CCDC33: variants seen among roughly 807,000 people sequenced by gnomAD.
CCDC33 encodes coiled-coil domain containing 33.
A neutral mutation model predicts 91.9 loss-of-function variants in CCDC33; 94 were observed. The ratio of observed to expected loss-of-function variants is 1.02; its 90% CI spans 0.87 to 1.21. CCDC33 has a LOEUF of 1.21. Among genes scored for constraint, CCDC33 ranks in the 50% most tolerant of loss-of-function variants. The probability of loss-of-function intolerance (pLI) is 0.00; values close to 1 mark genes in which losing one functional copy is unlikely to be tolerated. For missense variants in CCDC33, 940 were observed against 935.5 expected, an observed-to-expected ratio of 1.00 and a Z score of -0.06; for synonymous variants, 396 against 374.5, an observed-to-expected ratio of 1.06 and a Z score of -0.66.
At chr15:74,217,445 G>A in exon 1 of CCDC33, 2 of 1,289,850 alleles carry the variant, frequency 1.6e-6, no homozygotes, top group South Asian at 2.5e-5. Flanking sequence ...TGGGCTCTGG[G>A]GCTGGGGTGC....
In CCDC33 at chr15:74,281,833, A is replaced by G. The variant is rs1596020538; in HGVS notation, c.1079A>G (p.Gln360Arg). 1 of 1,614,070 alleles carries G rather than the reference A, an allele frequency of 6.2e-7. No individual in the cohort carries two copies. Among genetic ancestry groups the G allele is most frequent in the South Asian group, 1.1e-5 (1 of 91,052 alleles). The change falls in exon 10 of 19, where the codon CAG becomes CGG. Residue 360 changes from glutamine (Q) to arginine (R), a missense_variant. Transcript: ENST00000398814. ...GCCCCCACAGTGGCTCTCTCCTTCCAGCTGCTTTCCTCTGAGGTAAGGCTG... is the reference window on the plus strand; with the variant it reads ...GCCCCCACAGTGGCTCTCTCCTTCCGGCTGCTTTCCTCTGAGGTAAGGCTG... Reference protein sequence around the residue: ...DEAPTVALSFQLLSSERPENF... With the variant: ...DEAPTVALSFRLLSSERPENF...
chr15:74,318,892 G>A (rs1037439551), intron 11 of CCDC33, among the ~76,000 whole-genome samples: 1 of 152,220 alleles, frequency 6.6e-6, no homozygotes, highest in African/African-American at 2.4e-5. Context: ...AATCCAGAGA[G>A]GGAGGACAGA....
chr15:74,278,178 C>T (rs2076498528), intron 7 of CCDC33, among the ~76,000 whole-genome samples: 1 of 152,250 alleles, frequency 6.6e-6, no homozygotes, highest in South Asian at 2.1e-4. Context: ...GACTGCAACC[C>T]ATCTCCCCAG....
At position 74,315,524 on chromosome 15, in the gene CCDC33, G is replaced by A. The variant is rs903426924; in HGVS notation, c.1291-14665G>A. Among the ~76,000 whole-genome samples the A allele has an allele frequency of 5.9e-5, 9 of 152,370 alleles. 1 individual carries two copies. In the South Asian group the frequency reaches 1.4e-3, roughly 25 times the overall value. ...AGGCTACTTCATCAGGTGACTGGTG[G>A]TGAAGTTAGGCCGATCTATTTAAGG... On this transcript the variant is annotated intron_variant, in intron 11 of 18. Transcript: ENST00000398814.
At chr15:74,306,535 A>T (rs2059897239) in intron 11 of CCDC33, among the ~76,000 whole-genome samples, 1 of 152,126 alleles carries the variant, frequency 6.6e-6, no homozygotes, top group African/African-American at 2.4e-5. Flanking sequence ...ATTACTAGTT[A>T]GTGTGTGTGT....
At chr15:74,270,742 C>T (rs74553228) in intron 5 of CCDC33, among the ~76,000 whole-genome samples, 269 of 152,132 alleles carry the variant, frequency 1.8e-3, no homozygotes, top group African/African-American at 6.2e-3. Flanking sequence ...GGACAGACTC[C>T]CTGTCTCCCC....
chr15:74,262,308 T>C (rs1480009120), intron 2 of CCDC33, 132 bp from the exon 3 acceptor site: 2 of 1,179,640 alleles, frequency 1.7e-6, no homozygotes, highest in East Asian at 2.4e-5. Flanking sequence ...GACACAAGTG[T>C]CTATGCATGG....
chr15:74,217,126 C>CT (rs1350302466), upstream of CCDC33: 5 of 451,766 alleles, frequency 1.1e-5, no homozygotes, highest in Non-Finnish European at 1.7e-5. Context: ...AGCTTCCTGC[C>CT]TTGTTACCTG....
chr15:74,326,116 G>T (rs571074294), intron 11 of CCDC33, among the ~76,000 whole-genome samples: 2 of 152,290 alleles, frequency 1.3e-5, no homozygotes, highest in East Asian at 1.9e-4. Context: ...CTTGAGGCTA[G>T]GAGTTCAAGA....
chr15:74,251,162 G>C (rs1221490854), intron 2 of CCDC33, among the ~76,000 whole-genome samples: 1 of 152,224 alleles, frequency 6.6e-6, no homozygotes, highest in Non-Finnish European at 1.5e-5. Flanking sequence ...CTTGTGTTCT[G>C]GCCTGGGAAA....
chr15:74,250,636 C>T (rs1387749716), intron 2 of CCDC33, among the ~76,000 whole-genome samples: 1 of 152,218 alleles, frequency 6.6e-6, no homozygotes, highest in East Asian at 1.9e-4. Flanking sequence ...TTGCCAGTGC[C>T]TCCCCATCCC....
intron 2 of CCDC33, among the ~76,000 whole-genome samples, chr15:74,246,793 C>T (rs2075544559): frequency 6.6e-6 from 1 of 152,184 alleles, no homozygotes; most frequent in Non-Finnish European, 1.5e-5. Flanking sequence ...ATAAAACTAC[C>T]ATATGATCCC....
intron 5 of CCDC33, among the ~76,000 whole-genome samples, chr15:74,268,774 C>T (rs762398471): frequency 3.3e-5 from 5 of 152,162 alleles, no homozygotes; most frequent in Non-Finnish European, 5.9e-5. Context: ...GGGACCAGAG[C>T]CTGTCTCCCC....
At chr15:74,233,622 C>T (rs2075053145), upstream of CCDC33, among the ~76,000 whole-genome samples, 2 of 152,118 alleles carry the variant, frequency 1.3e-5, no homozygotes, top group Admixed American at 1.3e-4. Context: ...AAACTGAAGT[C>T]ACTGCCACCC....
rs2075454924 is a variant in CCDC33, at chr15:74,244,466, G to T, written c.185+318G>T. Among the ~76,000 whole-genome samples the T allele has an allele frequency of 6.6e-6, 1 of 152,104 alleles. No individual in the cohort carries two copies. The highest frequency in any genetic ancestry group is 2.4e-5 in the African/African-American group (1 of 41,422). ...GCAAAAGTCTGGGCTGGGCTCATGGGCATGATGGTCAGATTGGGGAAGGGG... is the reference window on the plus strand; with the variant it reads ...GCAAAAGTCTGGGCTGGGCTCATGGTCATGATGGTCAGATTGGGGAAGGGG... On this transcript the variant is annotated intron_variant, in intron 2 of 18. Coordinates refer to ENST00000398814, the MANE Select transcript of CCDC33 (RefSeq NM_025055.5). This position sits in a 1 kb window ranked among gnomAD's most constrained non-coding sequence, Gnocchi z 4.2.
At chr15:74,280,294 G>A (rs1310537796) in intron 8 of CCDC33, among the ~76,000 whole-genome samples, 1 of 152,180 alleles carries the variant, frequency 6.6e-6, no homozygotes, top group Non-Finnish European at 1.5e-5. Flanking sequence ...CCCATACTAG[G>A]TCTTGGCCCC....
chr15:74,294,607 T>C (rs2059644896), intron 10 of CCDC33, among the ~76,000 whole-genome samples: 1 of 150,866 alleles, frequency 6.6e-6, no homozygotes, highest in African/African-American at 2.4e-5. Flanking sequence ...ATTAGCCAGG[T>C]GTGGTGGCGG....
In CCDC33 at chr15:74,266,839, A is replaced by G. The variant is rs535362428; in HGVS notation, c.429+52A>G. ...GGGAGAGCAGGTGGGAACCACCTTG[A>G]ATGTCCCCAGCTATTCCCTCGGAGC... On this transcript the variant is annotated intron_variant, in intron 4 of 18. Transcript: ENST00000398814. 443 of 1,327,938 alleles carry G rather than the reference A, an allele frequency of 3.3e-4. 2 individuals carry two copies. The highest frequency in any genetic ancestry group is 2.6e-5 in the Non-Finnish European group (24 of 920,468). The allele number at this position is 1,327,938 out of a possible 1,614,324, so 82.3% of individuals were successfully genotyped here. A position where few individuals can be genotyped will look rare whatever the true frequency, so the allele number is the denominator to read the frequency against.
chr15:74,207,876 T>A (rs1219310964), intron 1 of CCDC33: 1 of 1,512,270 alleles, frequency 6.6e-7, no homozygotes, highest in African/African-American at 1.4e-5. Flanking sequence ...CTCCACACAG[T>A]GGGCTGGAAG....
Sources: gnomAD v4.1 joint callset for allele counts (sites outside exome capture counted in the v4.1 genomes callset) on GRCh38, gnomAD v4.1.1 for gene constraint, Gnocchi (gnomAD v3.1) non-coding constraint, MANE v1.5 for transcripts, NCBI Gene and HGNC (gene_info 2026-07-23, HGNC 2026-07-21) for gene names.